The following MAP3K2 variants were observed in gnomAD, a reference collection of about 807,000 sequenced individuals.
The protein encoded by MAP3K2 is MAP/ERK kinase kinase 2.
MAP3K2 carries 24 observed loss-of-function variants against 80.3 expected under a neutral mutation model. The observed-to-expected ratio is 0.30, with a 90% CI of 0.22 to 0.42. The LOEUF (loss-of-function observed/expected upper bound fraction) is 0.42, where lower values mean the gene tolerates loss of function less well. Among genes scored for constraint, MAP3K2 ranks in the 10% least tolerant of loss-of-function variants. MAP3K2 has a pLI of 1.00. For synonymous variants in MAP3K2, 244 were observed against 253.7 expected (o/e 0.96, Z 0.36); for missense variants, 608 against 750.1 (o/e 0.81, Z 2.21).
In MAP3K2 at chr2:127,322,657, A is replaced by G. The variant is rs1367977175; in HGVS notation, c.839-405T>C. 1.3e-5 allele frequency among the ~76,000 whole-genome samples: 2 copies of G among 152,026 alleles called. No homozygotes were observed. The highest frequency in any genetic ancestry group is 3.2e-3 in the Middle Eastern group (1 of 316). Reference sequence around the variant, plus strand: ...TGCCCAGGCTGGAGTGCAGTGGTACAATCTCGGCTCACTGCAACCTCCGCC... The same window carrying G: ...TGCCCAGGCTGGAGTGCAGTGGTACGATCTCGGCTCACTGCAACCTCCGCC... On this transcript the variant is annotated intron_variant, in intron 11 of 16. Coordinates refer to ENST00000682094, the MANE Select transcript of MAP3K2 (RefSeq NM_001371910.2). This position sits in a 1 kb window ranked among gnomAD's most constrained non-coding sequence, Gnocchi z 4.2.
chr2:127,351,864 CTTG>C (rs1365613668), intron 1 of MAP3K2, among the ~76,000 whole-genome samples: 2 of 151,866 alleles, frequency 1.3e-5, no homozygotes, highest in Admixed American at 6.6e-5. Context: ...TTCCCTACTT[CTTG>C]TTTTTTTGTG....
chr2:127,370,272 T>C (rs1346828526), intron 1 of MAP3K2, among the ~76,000 whole-genome samples: 1 of 152,186 alleles, frequency 6.6e-6, no homozygotes, highest in Non-Finnish European at 1.5e-5. Flanking sequence ...TCAGTGTCTG[T>C]GGGCGGCCCA....
Position 127,304,411 on chromosome 2 carries a change from AAG to A in MAP3K2, c.*3166_*3167del, listed in dbSNP as rs754037242. The A allele has an allele frequency of 1.3e-5, 2 of 152,168 alleles. No individual in the cohort carries two copies. Among genetic ancestry groups the A allele is most frequent in the Non-Finnish European group, 2.9e-5 (2 of 67,990 alleles). 9.4% of individuals were successfully genotyped at this position (152,168 alleles called of 1,614,324 possible). ...AAGATCTTATATTTGGTCCAAGCCT[AAG>A]TCATGCCACTTTGAATCTCTCAAGG... On this transcript the variant is annotated 3_prime_UTR_variant, in exon 17 of 17. Coordinates refer to ENST00000682094, the MANE Select transcript of MAP3K2 (RefSeq NM_001371910.2).
At chr2:127,336,025 T>A in intron 4 of MAP3K2, 56 bp from the exon 5 acceptor site, 1 of 1,051,766 alleles carries the variant, frequency 9.5e-7, no homozygotes, top group Admixed American at 2.1e-5. Context: ...AATAATAAAC[T>A]TGCAAAAGTT....
chr2:127,335,909 G>C lies in MAP3K2; in HGVS notation c.225C>G (p.Ala75=). The part of the protein sequence containing the change: ...LEDLRSKAKI[A]FGQSMDLHYT... ...AATGTAGATCCATAGACTGTCCAAA[G>C]GCAATTTTAGCTTTAGATCTCAGAT... The change falls in exon 5 of 17, where the codon GCC becomes GCG. Residue 75 remains alanine (A), a synonymous_variant. Transcript: ENST00000682094. The C allele has an allele frequency of 1.3e-6, 2 of 1,576,032 alleles. No homozygotes were observed. The highest frequency in any genetic ancestry group is 2.3e-5 in the South Asian group (2 of 86,140).
intron 1 of MAP3K2, among the ~76,000 whole-genome samples, chr2:127,358,735 C>A (rs1686834415): frequency 1.3e-5 from 2 of 152,066 alleles, no homozygotes; most frequent in African/African-American, 4.8e-5. Context: ...GAGTTTGAAA[C>A]CAGCCCGGCC....
upstream of MAP3K2, chr2:127,388,200 CT>C (rs1477070190): frequency 2.5e-5 from 25 of 985,256 alleles, no homozygotes; most frequent in African/African-American, 5.2e-5. Context: ...GCCCCCGCCC[CT>C]GCCCCGGGGC....
Position 127,298,890 on chromosome 2 carries a change from T to G in MAP3K2, c.*8689A>C, listed in dbSNP as rs1445762389. On this transcript the variant is annotated 3_prime_UTR_variant, in exon 17 of 17. Transcript: ENST00000682094. ...TGCCAACAATATACAAATTTCCATA[T>G]AAACAAAGTCATTGATCACTAACAA... 6.6e-6 allele frequency: 1 copy of G among 152,182 alleles called. No individual in the cohort carries two copies. Among genetic ancestry groups the G allele is most frequent in the African/African-American group, 2.4e-5 (1 of 41,436 alleles). 9.4% of individuals were successfully genotyped at this position (152,182 alleles called of 1,614,324 possible).
chr2:127,323,484 A>G (rs1686068004), intron 11 of MAP3K2, among the ~76,000 whole-genome samples: 1 of 152,194 alleles, frequency 6.6e-6, no homozygotes, highest in Admixed American at 6.5e-5. Context: ...CAAGACTTCA[A>G]GACCAGCCTG....
Position 127,339,146 on chromosome 2 carries a change from G to T in MAP3K2, c.5-96C>A. The T allele has an allele frequency of 2.7e-6, 2 of 735,736 alleles. No individual in the cohort carries two copies. Among genetic ancestry groups the T allele is most frequent in the Non-Finnish European group, 2.2e-6 (1 of 447,176 alleles). 45.6% of individuals were successfully genotyped at this position (735,736 alleles called of 1,614,324 possible). ...AAACACAAAATTTAAAATAAAATTTGATGTAGAGAATGTATTAATGCAAAA... is the reference window on the plus strand; with the variant it reads ...AAACACAAAATTTAAAATAAAATTTTATGTAGAGAATGTATTAATGCAAAA... On this transcript the variant is annotated intron_variant, in intron 2 of 16. Coordinates refer to ENST00000682094, the MANE Select transcript of MAP3K2 (RefSeq NM_001371910.2). The surrounding 1 kb of genome is among the most constrained non-coding windows in gnomAD (Gnocchi z 4.2).
chr2:127,313,272 C>G (rs563774364), intron 15 of MAP3K2, among the ~76,000 whole-genome samples: 12 of 152,260 alleles, frequency 7.9e-5, no homozygotes, highest in African/African-American at 2.9e-4. Flanking sequence ...TGAGGGCTAA[C>G]GAGAAGCTGG....
intron 1 of MAP3K2, among the ~76,000 whole-genome samples, chr2:127,353,469 T>TC (rs1302846704): frequency 7.8e-6 from 1 of 127,930 alleles, no homozygotes; most frequent in Non-Finnish European, 1.7e-5. Context: ...CCAGCAGCCG[T>TC]CCTGTCTGAG....
intron 1 of MAP3K2, among the ~76,000 whole-genome samples, chr2:127,370,732 T>C (rs1320486175): frequency 6.6e-6 from 1 of 152,086 alleles, no homozygotes; most frequent in African/African-American, 2.4e-5. Flanking sequence ...GGACAACAGG[T>C]CCCAGTAACA....
Position 127,335,881 on chromosome 2 carries a change from T to C in MAP3K2, c.253A>G (p.Thr85Ala). The change falls in exon 5 of 17, where the codon ACC becomes GCC. Residue 85 changes from threonine to alanine, a missense_variant. Around this residue, in one of 4 missense-constraint regions of MAP3K2, gnomAD observed 467 missense variants for 521.9 expected, o/e 0.89. Transcript: ENST00000682094. ...AFGQSMDLHY[T>A]NNELVIPLTT... is the part of the protein sequence containing the mutation. ...CTGTACATGTTTACCTCGTTATTGG[T>C]ATAATGTAGATCCATAGACTGTCCA... 1.9e-6 allele frequency: 3 copies of C among 1,547,948 alleles called. No individual in the cohort carries two copies. Among genetic ancestry groups the C allele is most frequent in the South Asian group, 1.2e-5 (1 of 84,892 alleles).
chr2:127,387,626 C>A lies in MAP3K2; in HGVS notation c.-240G>T. The A allele has an allele frequency of 1.0e-6, 1 of 985,002 alleles. No individual in the cohort carries two copies. Among genetic ancestry groups the A allele is most frequent in the Non-Finnish European group, 1.2e-6 (1 of 829,776 alleles). 61.0% of individuals were successfully genotyped at this position (985,002 alleles called of 1,614,324 possible). On this transcript the variant is annotated 5_prime_UTR_variant, in exon 1 of 17. Coordinates refer to ENST00000682094, the MANE Select transcript of MAP3K2 (RefSeq NM_001371910.2). ...GTCGGGCGCGGGCCTTGGGGCCAGG[C>A]CCGTCCCTCTTTCACATGAAGCCCG... is the stretch of plus-strand genomic sequence containing the variant.
chr2:127,352,506 T>C (rs72845997), intron 1 of MAP3K2, among the ~76,000 whole-genome samples: 39,191 of 152,076 alleles, frequency 0.26, 5,292 homozygotes, highest in Middle Eastern at 0.31. Context: ...TTTCATTCTA[T>C]TGAGTCTCTT....
rs201490848 is a variant in MAP3K2, at chr2:127,342,896, T to TA, written c.4+229dup. On this transcript the variant is annotated intron_variant, in intron 2 of 16. Transcript: ENST00000682094. ...CAAATCACAACACATCTTAACAGCT[T>TA]ATTTTGAATGTCCCTGCTGTTACGC... 5.8e-3 allele frequency among the ~76,000 whole-genome samples: 881 copies of TA among 152,312 alleles called. 9 individuals are homozygous for TA. Among genetic ancestry groups the TA allele is most frequent in the African/African-American group, 0.02 (834 of 41,564 alleles).
chr2:127,339,101 T>C lies in MAP3K2; in HGVS notation c.5-51A>G. On this transcript the variant is annotated intron_variant, in intron 2 of 16. Coordinates refer to ENST00000682094, the MANE Select transcript of MAP3K2 (RefSeq NM_001371910.2). This position sits in a 1 kb window ranked among gnomAD's most constrained non-coding sequence, Gnocchi z 4.2. ...CATAGAATTGTAATTGTGACATATATATCAACATGTATAGACATCAAACAC... is the reference window on the plus strand; with the variant it reads ...CATAGAATTGTAATTGTGACATATACATCAACATGTATAGACATCAAACAC... 1 of 1,076,102 alleles carries C rather than the reference T, an allele frequency of 9.3e-7. No homozygotes were observed. Among genetic ancestry groups the C allele is most frequent in the East Asian group, 2.5e-5 (1 of 40,632 alleles). The allele number at this position is 1,076,102 out of a possible 1,614,324, so 66.7% of individuals were successfully genotyped here. A position where few individuals can be genotyped will look rare whatever the true frequency, so the allele number is the denominator to read the frequency against.
intron 3 of MAP3K2, among the ~76,000 whole-genome samples, chr2:127,338,529 A>G (rs1420093559): frequency 1.3e-5 from 2 of 151,752 alleles, no homozygotes; most frequent in African/African-American, 2.4e-5. Flanking sequence ...GCTCCCCTCT[A>G]TGTCTCCATG....
Sources: allele counts gnomAD v4.1 joint callset (sites outside exome capture counted in the v4.1 genomes callset), GRCh38; gene constraint gnomAD v4.1.1; regional missense constraint gnomAD v4.1.1; non-coding constraint Gnocchi (gnomAD v3.1); transcripts MANE v1.5; gene names NCBI Gene and HGNC (gene_info 2026-07-23, HGNC 2026-07-21).